Variants in CSMD1 observed in about 807,000 individuals in gnomAD.
CSMD1 encodes the protein CUB and sushi domain-containing protein 1.
Under a neutral mutation model 417.5 loss-of-function variants are expected in CSMD1, and 213 were observed. The observed-to-expected ratio is 0.51, with a 90% CI of 0.46 to 0.57. CSMD1 has a LOEUF of 0.57. CSMD1 is among the 20% of genes least tolerant of loss of function. CSMD1 has a pLI of 0.00. For missense variants in CSMD1, 6,923 were observed against 4,529.7 expected, an observed-to-expected ratio of 1.53 and a Z score of -15.17; for synonymous variants, 2,862 against 1,736.8, an observed-to-expected ratio of 1.65 and a Z score of -16.11.
At chr8:4,202,824 G>C (rs796117650) in intron 3 of CSMD1, among the ~76,000 whole-genome samples, 2 of 152,168 alleles carry the variant, frequency 1.3e-5, no homozygotes, top group Non-Finnish European at 2.9e-5. Flanking sequence ...AGAAAAAGAG[G>C]GCAGTGAAGC....
intron 3 of CSMD1, among the ~76,000 whole-genome samples, chr8:4,417,347 C>G (rs1426370958): frequency 6.6e-6 from 1 of 151,896 alleles, no homozygotes; most frequent in East Asian, 1.9e-4. Flanking sequence ...TTCCAAAGTA[C>G]TGCCAGACAA....
At chr8:3,772,842 C>G (rs1432586093) in intron 5 of CSMD1, among the ~76,000 whole-genome samples, 2 of 151,892 alleles carry the variant, frequency 1.3e-5, no homozygotes, top group South Asian at 2.1e-4. Context: ...CCTCCCAACC[C>G]CCTCCTCTGC....
At chr8:4,545,205 T>G (rs1797576789) in intron 2 of CSMD1, among the ~76,000 whole-genome samples, 4 of 152,202 alleles carry the variant, frequency 2.6e-5, no homozygotes, top group Non-Finnish European at 5.9e-5. Context: ...AACAATGGAA[T>G]TTGCATTTTC....
chr8:4,521,372 A>G (rs1803435394), intron 2 of CSMD1, among the ~76,000 whole-genome samples: 1 of 152,202 alleles, frequency 6.6e-6, no homozygotes, highest in African/African-American at 2.4e-5. Flanking sequence ...GGGCTAAAAT[A>G]GAAAAAGAAA....
intron 1 of CSMD1, among the ~76,000 whole-genome samples, chr8:4,809,696 C>T (rs569106344): frequency 1.3e-5 from 2 of 152,326 alleles, no homozygotes; most frequent in African/African-American, 4.8e-5. Flanking sequence ...AGTTTGATAT[C>T]TAGCCTAGCA....
chr8:3,607,372 T>C (rs1314905114), intron 8 of CSMD1, among the ~76,000 whole-genome samples: 6 of 152,166 alleles, frequency 3.9e-5, no homozygotes, highest in African/African-American at 1.4e-4. Context: ...ACAGTTAACT[T>C]TTGTGTTTTT....
chr8:4,688,797 G>A (rs917641886), intron 1 of CSMD1, among the ~76,000 whole-genome samples: 1 of 152,188 alleles, frequency 6.6e-6, no homozygotes, highest in African/African-American at 2.4e-5. Flanking sequence ...CGTGCTTTGT[G>A]AGAACAGCTC....
At chr8:4,035,062 C>T (rs969356992) in intron 3 of CSMD1, among the ~76,000 whole-genome samples, 23 of 152,068 alleles carry the variant, frequency 1.5e-4, no homozygotes, top group Admixed American at 1.4e-3. Context: ...GATTATCGTG[C>T]AGAAAGATCA....
rs534841739 is a variant in CSMD1, at chr8:3,242,414, G to T, written c.4154-12183C>A. Among the ~76,000 whole-genome samples the T allele has an allele frequency of 2.6e-5, 4 of 152,068 alleles. No individual in the cohort carries two copies. The South Asian group carries it at 8.3e-4, about 32-fold the overall frequency. ...AGGAAGATTTGGGATGAGTTGCATG[G>T]GAACAGAGACTAGGTAGGGACTGAT... On this transcript the variant is annotated intron_variant, in intron 26 of 69. Transcript: ENST00000635120.
chr8:4,575,912 T>G (rs898001221), intron 2 of CSMD1, among the ~76,000 whole-genome samples: 1 of 152,176 alleles, frequency 6.6e-6, no homozygotes, highest in Non-Finnish European at 1.5e-5. Flanking sequence ...TTGTGATCGT[T>G]CCAGTGTAAA....
intron 6 of CSMD1, among the ~76,000 whole-genome samples, chr8:3,730,215 G>C (rs950976782): frequency 3.3e-5 from 5 of 152,080 alleles, no homozygotes; most frequent in South Asian, 2.1e-4. Flanking sequence ...GAGGCTTCCA[G>C]TTTGATTCCC....
chr8:3,462,253 T>C (rs1029849876), intron 12 of CSMD1, among the ~76,000 whole-genome samples: 7 of 152,090 alleles, frequency 4.6e-5, no homozygotes, highest in African/African-American at 1.2e-4. Flanking sequence ...CCTGGCCCAA[T>C]TGCTTCAGTT....
chr8:3,089,356 A>T (rs1291789777), intron 48 of CSMD1, among the ~76,000 whole-genome samples: 6 of 152,254 alleles, frequency 3.9e-5, no homozygotes, highest in African/African-American at 1.4e-4. Flanking sequence ...TTCTCATAGT[A>T]TGAAAAGGAC....
intron 3 of CSMD1, among the ~76,000 whole-genome samples, chr8:4,365,814 G>C (rs1394966959): frequency 6.6e-6 from 1 of 152,142 alleles, no homozygotes; most frequent in African/African-American, 2.4e-5. Context: ...CAGAGGTTTT[G>C]ATCTTTTGAC....
intron 1 of CSMD1, among the ~76,000 whole-genome samples, chr8:4,911,092 C>G (rs889208279): frequency 6.6e-6 from 1 of 152,324 alleles, no homozygotes; most frequent in South Asian, 2.1e-4. Context: ...GCCTCCCCAG[C>G]CATGTGGAAC....
intron 59 of CSMD1, 44 bp from the exon 60 acceptor site, chr8:2,963,439 CTGCAGCGGT>C (rs746327316): frequency 4.4e-6 from 7 of 1,591,036 alleles, no homozygotes; most frequent in Non-Finnish European, 5.2e-6. Context: ...GGAGCTCCCG[CTGCAGCGGT>C]GATGTTCAAA....
chr8:4,968,231 T>C (rs892307238), intron 1 of CSMD1, among the ~76,000 whole-genome samples: 1 of 149,302 alleles, frequency 6.7e-6, no homozygotes, highest in Non-Finnish European at 1.5e-5. Context: ...TGATTCATTT[T>C]TAAAAATTCA....
chr8:3,493,815 A>G, intron 10 of CSMD1, 89 bp from the exon 11 acceptor site: 1 of 1,131,896 alleles, frequency 8.8e-7, no homozygotes. Context: ...TTATACTGTT[A>G]AATTTTGCTC....
intron 25 of CSMD1, among the ~76,000 whole-genome samples, chr8:3,306,394 G>T (rs75354003): frequency 6.6e-6 from 1 of 152,054 alleles, no homozygotes. Context: ...GGCTGATCTC[G>T]AACTACTGAT....
Sources: gnomAD v4.1 joint callset for allele counts (sites outside exome capture counted in the v4.1 genomes callset) on GRCh38, gnomAD v4.1.1 for gene constraint, MANE v1.5 for transcripts, NCBI Gene and HGNC (gene_info 2026-07-23, HGNC 2026-07-21) for gene names.